Variants in RAPGEF4 observed in about 807,000 individuals in gnomAD.
The protein encoded by RAPGEF4 is RAP guanine-nucleotide-exchange factor (GEF) 4.
Under a neutral mutation model 147.9 loss-of-function variants are expected in RAPGEF4, and 66 were observed. The observed-to-expected ratio is 0.45, with a 90% CI of 0.37 to 0.55. The LOEUF (loss-of-function observed/expected upper bound fraction) is 0.55. Among genes scored for constraint, RAPGEF4 ranks in the 20% least tolerant of loss-of-function variants. The pLI is 0.00. For synonymous variants in RAPGEF4, 419 were observed against 442.7 expected, an observed-to-expected ratio of 0.95 and a Z score of 0.67; for missense variants, 1,071 against 1,257.3, an observed-to-expected ratio of 0.85 and a Z score of 2.24.
intron 3 of RAPGEF4, among the ~76,000 whole-genome samples, chr2:172,809,385 C>G (rs1488400961): frequency 6.6e-6 from 1 of 152,182 alleles, no homozygotes; most frequent in Non-Finnish European, 1.5e-5. Flanking sequence ...AGACAGGATA[C>G]TGTCACTTTG....
chr2:172,862,374 G>A (rs1448967870), intron 4 of RAPGEF4, among the ~76,000 whole-genome samples: 1 of 152,122 alleles, frequency 6.6e-6, no homozygotes, highest in South Asian at 2.1e-4. Flanking sequence ...TGACTAAATA[G>A]TACAATTAGT....
intron 1 of RAPGEF4, among the ~76,000 whole-genome samples, chr2:172,794,479 A>C (rs1344340993): frequency 6.6e-6 from 1 of 152,194 alleles, no homozygotes; most frequent in African/African-American, 2.4e-5. Context: ...GAAGGAAAAC[A>C]GCCAAATAAG....
intron 1 of RAPGEF4, among the ~76,000 whole-genome samples, chr2:172,774,132 A>G (rs1207876853): frequency 2.0e-5 from 3 of 152,178 alleles, no homozygotes; most frequent in Non-Finnish European, 2.9e-5. Flanking sequence ...TCACACCTAA[A>G]TGAGGATGTG....
chr2:172,967,338 C>T lies in RAPGEF4; in HGVS notation c.898C>T (p.Pro300Ser). 2 of 1,612,200 alleles carry T rather than the reference C, an allele frequency of 1.2e-6. No homozygotes were observed. The highest frequency in any genetic ancestry group is 1.7e-6 in the Non-Finnish European group (2 of 1,179,780). Residue 300 changes from proline to serine, a missense_variant, in exon 10 of 31, where the codon CCT becomes TCT. Pro to Ser is a moderately conservative substitution (Grantham distance 74, BLOSUM62 -1). Coordinates refer to ENST00000397081, the MANE Select transcript of RAPGEF4 (RefSeq NM_007023.4). ...LDDEHEDAPL[P>S]TEEEKKECDE... Reference sequence around the variant, plus strand: ...TGATGAGCACGAGGATGCCCCTTTGCCTACTGAGGAGGAGAAGAAGGAGTG... The same window carrying T: ...TGATGAGCACGAGGATGCCCCTTTGTCTACTGAGGAGGAGAAGAAGGAGTG...
chr2:172,749,625 G>T (rs755596258), intron 1 of RAPGEF4, among the ~76,000 whole-genome samples: 1 of 152,192 alleles, frequency 6.6e-6, no homozygotes, highest in Non-Finnish European at 1.5e-5. Flanking sequence ...GGTCTCTGAC[G>T]TGCCCTGGAG....
rs115894919 is a variant in RAPGEF4 at position 172,981,066 on chromosome 2, A to G, written c.1005-2430A>G. The stretch of plus-strand genomic sequence containing the variant: ...TCTGCTCCCAAAATTACAACTTTGA[A>G]TATGTCCAGATTTTAGAGCGGAATT... On this transcript the variant is annotated intron_variant, in intron 10 of 30. Transcript: ENST00000397081. Among the ~76,000 whole-genome samples the G allele has an allele frequency of 1.0e-3, 152 of 152,320 alleles. 1 individual carries two copies. Among genetic ancestry groups the G allele is most frequent in the African/African-American group, 3.5e-3 (146 of 41,572 alleles).
intron 10 of RAPGEF4, among the ~76,000 whole-genome samples, chr2:172,980,956 A>G (rs2105642684): frequency 6.6e-6 from 1 of 152,302 alleles, no homozygotes; most frequent in South Asian, 2.1e-4. Flanking sequence ...GCAGGATAGC[A>G]TTTTTAAAAA....
At chr2:172,779,687 T>C (rs548561823) in intron 1 of RAPGEF4, among the ~76,000 whole-genome samples, 51 of 152,242 alleles carry the variant, frequency 3.3e-4, no homozygotes, top group African/African-American at 1.2e-3. Context: ...AAAGTATCAC[T>C]CTGGATCCTC....
chr2:172,918,230 G>A (rs992144778), intron 5 of RAPGEF4, among the ~76,000 whole-genome samples: 5 of 145,688 alleles, frequency 3.4e-5, no homozygotes, highest in Non-Finnish European at 4.5e-5. Flanking sequence ...CTGGATACCT[G>A]AGAGCCCCAC....
intron 1 of RAPGEF4, among the ~76,000 whole-genome samples, chr2:172,774,865 T>C (rs1684002565): frequency 6.6e-6 from 1 of 152,232 alleles, no homozygotes; most frequent in Non-Finnish European, 1.5e-5. Flanking sequence ...CATGTACCAG[T>C]ATTGTTGAAT....
chr2:173,011,032 T>G (rs1694948108), intron 17 of RAPGEF4, among the ~76,000 whole-genome samples: 1 of 152,154 alleles, frequency 6.6e-6, no homozygotes, highest in Non-Finnish European at 1.5e-5. Flanking sequence ...GAGAAAGCCT[T>G]TCCCAGTCCC....
chr2:172,762,356 C>T (rs1684462052), intron 1 of RAPGEF4, among the ~76,000 whole-genome samples: 1 of 152,176 alleles, frequency 6.6e-6, no homozygotes, highest in Non-Finnish European at 1.5e-5. Flanking sequence ...CCCACCCTGG[C>T]CTCCACTGTT....
At chr2:172,766,350 G>A (rs925796490) in intron 1 of RAPGEF4, among the ~76,000 whole-genome samples, 1 of 152,186 alleles carries the variant, frequency 6.6e-6, no homozygotes, top group Middle Eastern at 3.4e-3. Context: ...CCGGGAGTTC[G>A]AGACCAGCCT....
At chr2:172,824,603 T>C (rs779238964) in intron 4 of RAPGEF4, among the ~76,000 whole-genome samples, 110 of 152,236 alleles carry the variant, frequency 7.2e-4, no homozygotes, top group Non-Finnish European at 1.4e-3. Context: ...GTGGGGTTTG[T>C]TCAAGGCTGT....
At chr2:172,916,204 G>A (rs543419689) in intron 4 of RAPGEF4, among the ~76,000 whole-genome samples, 2 of 152,162 alleles carry the variant, frequency 1.3e-5, no homozygotes, top group South Asian at 2.1e-4. Flanking sequence ...AGGTGCTTCC[G>A]TGGAGCTCAT....
At chr2:172,891,405 T>TTCCTTC (rs1697896537) in intron 4 of RAPGEF4, among the ~76,000 whole-genome samples, 1 of 152,226 alleles carries the variant, frequency 6.6e-6, no homozygotes, top group South Asian at 2.1e-4. Context: ...TTGTCTCCTT[T>TTCCTTC]TCCTTCTCCT....
At chr2:172,905,941 A>T (rs188536050) in intron 4 of RAPGEF4, among the ~76,000 whole-genome samples, 1 of 152,348 alleles carries the variant, frequency 6.6e-6, no homozygotes, top group Admixed American at 6.5e-5. Context: ...TGGGAAAGGC[A>T]GTGCATGTGG....
intron 3 of RAPGEF4, among the ~76,000 whole-genome samples, chr2:172,800,724 G>T (rs184321172): frequency 2.6e-4 from 40 of 152,286 alleles, no homozygotes; most frequent in African/African-American, 9.1e-4. Context: ...AAACCTATTT[G>T]CTCTGAGGCC....
At chr2:172,918,656 AT>A (rs1219859342) in intron 5 of RAPGEF4, among the ~76,000 whole-genome samples, 1 of 152,000 alleles carries the variant, frequency 6.6e-6, no homozygotes, top group African/African-American at 2.4e-5. Context: ...GAGTCTTTTG[AT>A]CTGTTCATGC....
Sources: allele counts gnomAD v4.1 joint callset (sites outside exome capture counted in the v4.1 genomes callset), GRCh38; gene constraint gnomAD v4.1.1; transcripts MANE v1.5; gene names NCBI Gene and HGNC (gene_info 2026-07-23, HGNC 2026-07-21).